ZNF101: variants seen among roughly 807,000 people sequenced by gnomAD.
ZNF101 encodes zinc finger protein 101 (Y2).
In ZNF101, 34 loss-of-function variants were observed where a neutral mutation model predicts 42.6. The observed-to-expected ratio is 0.80, with a 90% confidence interval of 0.61 to 1.06. The LOEUF is 1.06. Among genes scored for constraint, ZNF101 ranks in the 50% least tolerant of loss-of-function variants. The pLI, the probability that ZNF101 is intolerant of heterozygous loss-of-function variation, is 0.00. For missense variants in ZNF101, 466 were observed against 530.9 expected, an observed-to-expected ratio of 0.88 and a Z score of 1.20; for synonymous variants, 158 against 183.9, an observed-to-expected ratio of 0.86 and a Z score of 1.14.
upstream of ZNF101, among the ~76,000 whole-genome samples, chr19:19,668,329 G>T (rs1027017811): frequency 6.6e-6 from 1 of 152,076 alleles, no homozygotes; most frequent in East Asian, 1.9e-4. Context: ...TGAGTCGGGG[G>T]TGCAGGTGTC....
At chr19:19,675,357 C>T (rs570309640) in intron 1 of ZNF101, among the ~76,000 whole-genome samples, 8 of 151,812 alleles carry the variant, frequency 5.3e-5, no homozygotes, top group Admixed American at 3.3e-4. Context: ...TAGCCTGTCT[C>T]GAACTCCTGA....
chr19:19,681,401 G>A lies in ZNF101; in HGVS notation c.*1101G>A, dbSNP rs1374822953. 6.6e-6 allele frequency: 1 copy of A among 152,182 alleles called. No individual in the cohort carries two copies. Among genetic ancestry groups the A allele is most frequent in the Non-Finnish European group, 1.5e-5 (1 of 68,046 alleles). The allele number at this position is 152,182 out of a possible 1,614,324, so 9.4% of individuals were successfully genotyped here. A position where few individuals can be genotyped will look rare whatever the true frequency, so the allele number is the denominator to read the frequency against. On this transcript the variant is annotated 3_prime_UTR_variant, in exon 4 of 4. Coordinates refer to ENST00000592502, the MANE Select transcript of ZNF101 (RefSeq NM_033204.4). Reference sequence around the variant, plus strand: ...TGGTATGAATCGAAGAATACACACTGGATGGAAACGTTAGTAGTTTGGAAA... The same window carrying A: ...TGGTATGAATCGAAGAATACACACTAGATGGAAACGTTAGTAGTTTGGAAA...
At chr19:19,671,602 C>T (rs2062170704) in intron 1 of ZNF101, among the ~76,000 whole-genome samples, 1 of 151,804 alleles carries the variant, frequency 6.6e-6, no homozygotes, top group Admixed American at 6.6e-5. Context: ...CGGGTTCACG[C>T]CATTCTCCTG....
At chr19:19,669,095 C>A in intron 1 of ZNF101, 129 bp downstream of exon 1, 1 of 1,316,358 alleles carries the variant, frequency 7.6e-7, no homozygotes, top group Non-Finnish European at 1.0e-6. Context: ...GCAGCTCGAC[C>A]CTTGGTCCCC....
intron 3 of ZNF101, 98 bp downstream of exon 3, chr19:19,678,884 A>G (rs1156235343): frequency 4.4e-6 from 5 of 1,146,294 alleles, no homozygotes; most frequent in Non-Finnish European, 6.2e-6. Context: ...GTACAATGTT[A>G]GGTTTTTAAC....
At chr19:19,677,766 T>A (rs756040685) in intron 1 of ZNF101, 98 bp from the exon 2 acceptor site, 6 of 1,511,086 alleles carry the variant, frequency 4.0e-6, no homozygotes, top group African/African-American at 1.4e-5. Context: ...GGAGTGAGTG[T>A]TTGGAGAGCC....
chr19:19,673,779 T>C (rs1475253613), intron 1 of ZNF101, among the ~76,000 whole-genome samples: 2 of 148,514 alleles, frequency 1.3e-5, no homozygotes, highest in Non-Finnish European at 3.0e-5. Flanking sequence ...TTGTTGAGGC[T>C]TTTTAAATTA....
Position 19,679,423 on chromosome 19 carries a change from A to G in ZNF101, c.434A>G (p.Gln145Arg). ...EWRETPRKQK[Q>R]HGKASISPSS... The stretch of plus-strand genomic sequence containing the variant: ...AGAGAGACGCCCCGTAAACAGAAAC[A>G]ACATGGGAAAGCCTCCATTTCCCCC... Residue 145 changes from glutamine (Q) to arginine (R), a missense_variant, in exon 4 of 4, where the codon CAA becomes CGA. Physicochemically the swap from Gln to Arg is conservative, Grantham distance 43. Transcript: ENST00000592502. The G allele has an allele frequency of 6.2e-7, 1 of 1,614,034 alleles. No individual in the cohort carries two copies. Among genetic ancestry groups the G allele is most frequent in the African/African-American group, 1.3e-5 (1 of 75,042 alleles).
chr19:19,674,441 G>A (rs930112407), intron 1 of ZNF101, among the ~76,000 whole-genome samples: 22 of 152,202 alleles, frequency 1.4e-4, no homozygotes, highest in African/African-American at 5.3e-4. Context: ...CTCCCGAAGT[G>A]CTGGGATTAC....
At chr19:19,675,692 A>G (rs2062198556) in intron 1 of ZNF101, among the ~76,000 whole-genome samples, 1 of 152,092 alleles carries the variant, frequency 6.6e-6, no homozygotes, top group African/African-American at 2.4e-5. Context: ...GAATCATTCT[A>G]TTGACCTATG....
chr19:19,678,053 G>T lies in ZNF101; in HGVS notation c.130+63G>T, dbSNP rs1203049594. On this transcript the variant is annotated intron_variant, in intron 2 of 3. Coordinates refer to ENST00000592502, the MANE Select transcript of ZNF101 (RefSeq NM_033204.4). ...CAAGTGTGTTTTGGTCACCAGTGTGGTTGCACAGTTTGGAATGTGGAAAGA... is the reference window on the plus strand; with the variant it reads ...CAAGTGTGTTTTGGTCACCAGTGTGTTTGCACAGTTTGGAATGTGGAAAGA... 4.4e-6 allele frequency: 7 copies of T among 1,579,978 alleles called. No homozygotes were observed. The African/African-American group carries it at 9.5e-5, about 21-fold the overall frequency.
At chr19:19,677,770 G>A (rs2062211012) in intron 1 of ZNF101, 94 bp from the exon 2 acceptor site, 1 of 1,519,940 alleles carries the variant, frequency 6.6e-7, no homozygotes, top group African/African-American at 1.4e-5. Context: ...TGAGTGTTTG[G>A]AGAGCCCGGC....
At position 19,679,744 on chromosome 19, in the gene ZNF101, C is replaced by T. The variant is rs780496398; in HGVS notation, c.755C>T (p.Pro252Leu). Residue 252 changes from proline (P) to leucine (L), a missense_variant, in exon 4 of 4, where the codon CCT becomes CTT. Physicochemically the swap from Pro to Leu is moderately conservative, Grantham distance 98. Coordinates refer to ENST00000592502, the MANE Select transcript of ZNF101 (RefSeq NM_033204.4). Reference protein sequence around the residue: ...IHVRTHTGEKPYKCKQCGKAF... With the variant: ...IHVRTHTGEKLYKCKQCGKAF... ...GTTAGAACTCACACTGGAGAAAAAC[C>T]TTACAAATGTAAACAATGTGGTAAA... is the stretch of plus-strand genomic sequence containing the variant. The T allele has an allele frequency of 1.9e-6, 3 of 1,614,050 alleles. No individual in the cohort carries two copies. In the South Asian group the frequency reaches 3.3e-5, roughly 18 times the overall value.
chr19:19,679,145 A>G, intron 3 of ZNF101, 36 bp from the exon 4 acceptor site: 2 of 1,594,304 alleles, frequency 1.3e-6, no homozygotes, highest in South Asian at 1.1e-5. Context: ...GCATTAATAA[A>G]CCAAGCATTG....
chr19:19,671,334 T>C (rs1057308442), intron 1 of ZNF101, among the ~76,000 whole-genome samples: 2 of 152,160 alleles, frequency 1.3e-5, no homozygotes, highest in African/African-American at 2.4e-5. Flanking sequence ...TACTGAATAG[T>C]TTATTATGGA....
chr19:19,668,651 G>A (rs2062147666), upstream of ZNF101: 1 of 396,630 alleles, frequency 2.5e-6, no homozygotes, highest in African/African-American at 2.1e-5. Flanking sequence ...GCACCTGTCA[G>A]TCACACCCCA....
intron 1 of ZNF101, among the ~76,000 whole-genome samples, chr19:19,674,655 T>C (rs1452901834): frequency 6.6e-6 from 1 of 152,188 alleles, no homozygotes; most frequent in Non-Finnish European, 1.5e-5. Context: ...CTGTCTTTGG[T>C]GTCAGCATAA....
chr19:19,670,003 G>A lies in ZNF101; in HGVS notation c.3+1037G>A, dbSNP rs143350520. 7.1e-3 allele frequency among the ~76,000 whole-genome samples: 1,080 copies of A among 152,140 alleles called. 8 individuals carry two copies. The highest frequency in any genetic ancestry group is 0.014 in the Middle Eastern group (4 of 292). On this transcript the variant is annotated intron_variant, in intron 1 of 3. Transcript: ENST00000592502. The stretch of plus-strand genomic sequence containing the variant: ...GTCTTTGGGTGGAGGCTTCTCTTGG[G>A]AACTTCACAGGGTATTGGGTCCTCA...
intron 1 of ZNF101, among the ~76,000 whole-genome samples, chr19:19,674,920 A>AAG (rs1568437097): frequency 6.6e-6 from 1 of 151,782 alleles, no homozygotes; most frequent in Non-Finnish European, 1.5e-5. Context: ...TCCCAGGTTC[A>AAG]TGCCATTGTC....
Sources: gnomAD v4.1 joint callset for allele counts (sites outside exome capture counted in the v4.1 genomes callset) on GRCh38, gnomAD v4.1.1 for gene constraint, MANE v1.5 for transcripts, NCBI Gene and HGNC (gene_info 2026-07-23, HGNC 2026-07-21) for gene names.